Variants in PLPPR1 observed in about 807,000 individuals in gnomAD.
PLPPR1 encodes the protein phospholipid phosphatase related 1, also known as phospholipid phosphatase-related protein type 1.
A neutral mutation model predicts 33.1 loss-of-function variants in PLPPR1; 10 were observed. That is an observed-to-expected ratio of 0.30 (90% CI 0.19 to 0.51). The LOEUF is 0.51. Ranked by LOEUF, PLPPR1 falls within the 20% of genes least tolerant of loss-of-function variation. The probability of loss-of-function intolerance (pLI) is 0.97; values close to 1 mark genes in which losing one functional copy is unlikely to be tolerated. For synonymous variants in PLPPR1, 151 were observed against 151.0 expected, an observed-to-expected ratio of 1.00 and a Z score of 0.00; for missense variants, 304 against 408.1, an observed-to-expected ratio of 0.74 and a Z score of 2.20.
chr9:101,047,838 C>T (rs1251335998), intron 1 of PLPPR1, among the ~76,000 whole-genome samples: 2 of 152,162 alleles, frequency 1.3e-5, no homozygotes, highest in Non-Finnish European at 2.9e-5. Flanking sequence ...CTTTGAGCAG[C>T]CCTTCAATTT....
At chr9:101,161,547 T>C (rs1320732778) in intron 1 of PLPPR1, among the ~76,000 whole-genome samples, 1 of 152,136 alleles carries the variant, frequency 6.6e-6, no homozygotes, top group Non-Finnish European at 1.5e-5. Flanking sequence ...GGCCTCAGTT[T>C]CCTTGTCTGT....
intron 1 of PLPPR1, among the ~76,000 whole-genome samples, chr9:101,045,728 T>A (rs537898171): frequency 6.6e-6 from 1 of 152,342 alleles, no homozygotes; most frequent in South Asian, 2.1e-4. Flanking sequence ...GCTTGGGCTC[T>A]GGAATCCACC....
chr9:101,213,466 C>G (rs1366495070), intron 2 of PLPPR1, among the ~76,000 whole-genome samples: 1 of 152,208 alleles, frequency 6.6e-6, no homozygotes, highest in East Asian at 1.9e-4. Context: ...AGTGCAGAAG[C>G]ATATAAAATT....
chr9:101,053,439 T>A (rs1420240655), intron 1 of PLPPR1, among the ~76,000 whole-genome samples: 2 of 152,234 alleles, frequency 1.3e-5, no homozygotes, highest in East Asian at 3.8e-4. Context: ...TCTACTCTAA[T>A]GCCTCCAGAG....
At chr9:101,133,182 A>G (rs1279490250) in intron 1 of PLPPR1, among the ~76,000 whole-genome samples, 1 of 152,172 alleles carries the variant, frequency 6.6e-6, no homozygotes, top group African/African-American at 2.4e-5. Flanking sequence ...AATTTCCTTT[A>G]CCACACATGG....
At chr9:101,314,748 T>C (rs62576950) in intron 6 of PLPPR1, among the ~76,000 whole-genome samples, 1 of 127,488 alleles carries the variant, frequency 7.8e-6, no homozygotes, top group African/African-American at 3.4e-5. Context: ...AAAGCTTCAA[T>C]TTAAAAAAAA....
chr9:101,134,585 C>T (rs1831355387), intron 1 of PLPPR1, among the ~76,000 whole-genome samples: 1 of 152,042 alleles, frequency 6.6e-6, no homozygotes, highest in Admixed American at 6.6e-5. Context: ...TGTTTTGCCA[C>T]ATTGCCCAAG....
At chr9:101,195,187 T>C (rs571838368) in intron 2 of PLPPR1, among the ~76,000 whole-genome samples, 51 of 152,328 alleles carry the variant, frequency 3.3e-4, no homozygotes, top group African/African-American at 1.2e-3. Flanking sequence ...TATAGCTTCA[T>C]ATTTAATTGA....
intron 1 of PLPPR1, among the ~76,000 whole-genome samples, chr9:101,105,955 G>A (rs1830962526): frequency 6.8e-6 from 1 of 147,286 alleles, no homozygotes; most frequent in Non-Finnish European, 1.5e-5. Flanking sequence ...CGTTTTATCA[G>A]AGACTAGGAT....
At chr9:101,271,546 A>G (rs547508185) in intron 3 of PLPPR1, among the ~76,000 whole-genome samples, 7 of 152,286 alleles carry the variant, frequency 4.6e-5, no homozygotes, top group Non-Finnish European at 8.8e-5. Flanking sequence ...TATGTCTCTT[A>G]CCAGCCTACA....
chr9:101,275,630 C>CA (rs1374286777), intron 3 of PLPPR1, among the ~76,000 whole-genome samples: 2 of 152,128 alleles, frequency 1.3e-5, no homozygotes, highest in Non-Finnish European at 2.9e-5. Flanking sequence ...CTCATACACT[C>CA]AGAGTCAAAG....
At chr9:101,191,038 C>G (rs1225542305) in intron 2 of PLPPR1, among the ~76,000 whole-genome samples, 3 of 152,148 alleles carry the variant, frequency 2.0e-5, no homozygotes, top group Admixed American at 1.3e-4. Context: ...GGCCAGATCC[C>G]TTAAAAATAG....
chr9:101,048,072 G>C (rs1049157929), intron 1 of PLPPR1, among the ~76,000 whole-genome samples: 1 of 152,180 alleles, frequency 6.6e-6, no homozygotes, highest in African/African-American at 2.4e-5. Flanking sequence ...GACTGACTGA[G>C]TGAATCACCT....
chr9:101,305,176 G>A (rs1040523365), intron 4 of PLPPR1, among the ~76,000 whole-genome samples: 2 of 152,074 alleles, frequency 1.3e-5, no homozygotes, highest in African/African-American at 4.8e-5. Context: ...GTCTTCTGAG[G>A]AGAAGCTTGA....
chr9:101,260,973 TA>T (rs1248621451), intron 2 of PLPPR1, among the ~76,000 whole-genome samples: 1 of 151,954 alleles, frequency 6.6e-6, no homozygotes, highest in African/African-American at 2.4e-5. Context: ...CACCCCAAAG[TA>T]AAAAAGCACT....
chr9:101,099,958 T>A (rs1469104995), intron 1 of PLPPR1, among the ~76,000 whole-genome samples: 1 of 152,108 alleles, frequency 6.6e-6, no homozygotes, highest in Non-Finnish European at 1.5e-5. Context: ...CAGTCACTGA[T>A]GATTATTTTT....
chr9:101,190,233 T>A (rs958778867), intron 2 of PLPPR1, among the ~76,000 whole-genome samples: 2 of 152,208 alleles, frequency 1.3e-5, no homozygotes, highest in African/African-American at 4.8e-5. Flanking sequence ...GGATAACCAT[T>A]GTTTGTAGGT....
At chr9:101,180,139 TATATAC>T (rs1248829378) in intron 1 of PLPPR1, among the ~76,000 whole-genome samples, 252 of 37,186 alleles carry the variant, frequency 6.8e-3, no homozygotes, top group African/African-American at 0.021. Context: ...TATATATATA[TATATAC>T]ACACACACAC....
chr9:101,116,034 T>C (rs1398944863), intron 1 of PLPPR1, among the ~76,000 whole-genome samples: 1 of 152,204 alleles, frequency 6.6e-6, no homozygotes, highest in East Asian at 1.9e-4. Flanking sequence ...ACTTTCAAGA[T>C]TCTCTAGGAA....
Sources: gnomAD v4.1 joint callset for allele counts (sites outside exome capture counted in the v4.1 genomes callset) on GRCh38, gnomAD v4.1.1 for gene constraint, MANE v1.5 for transcripts, NCBI Gene and HGNC (gene_info 2026-07-23, HGNC 2026-07-21) for gene names.